AHCTF1: variants seen among roughly 807,000 people sequenced by gnomAD.
AHCTF1 encodes the protein protein ELYS.
Under a neutral mutation model 248.4 loss-of-function variants are expected in AHCTF1, and 24 were observed. The observed-to-expected ratio is 0.10, with a 90% CI of 0.07 to 0.14. The LOEUF (loss-of-function observed/expected upper bound fraction) is 0.14, where lower values mean the gene tolerates loss of function less well. Ranked by LOEUF, AHCTF1 falls within the 10% of genes least tolerant of loss-of-function variation. The pLI is 1.00. For synonymous variants in AHCTF1, 786 were observed against 929.8 expected (o/e 0.85, Z 2.81); for missense variants, 2,206 against 2,636.2 (o/e 0.84, Z 3.57).
intron 1 of AHCTF1, among the ~76,000 whole-genome samples, chr1:246,927,941 A>G (rs967192598): frequency 1.3e-4 from 20 of 152,120 alleles, no homozygotes; most frequent in African/African-American, 4.8e-4. Context: ...CAGAGGTTGC[A>G]ATAAGCCAAG....
chr1:246,923,220 G>T (rs1304029111), intron 1 of AHCTF1, among the ~76,000 whole-genome samples: 1 of 151,182 alleles, frequency 6.6e-6, no homozygotes, highest in Non-Finnish European at 1.5e-5. Flanking sequence ...TTTGAGACCA[G>T]CCTGACTAAC....
chr1:246,886,682 G>A (rs1663841739), intron 20 of AHCTF1, among the ~76,000 whole-genome samples: 1 of 152,228 alleles, frequency 6.6e-6, no homozygotes, highest in East Asian at 1.9e-4. Context: ...ACAAGAGGAT[G>A]TGCATAGGGT....
At chr1:246,929,060 A>G (rs1410548330) in intron 1 of AHCTF1, among the ~76,000 whole-genome samples, 4 of 152,206 alleles carry the variant, frequency 2.6e-5, no homozygotes, top group Non-Finnish European at 5.9e-5. Context: ...TGCTACTACA[A>G]TAGAGGTACA....
rs1393379685 is a variant in AHCTF1 at position 246,877,078 on chromosome 1, A to T, written c.2809T>A (p.Cys937Ser). Residue 937 changes from cysteine to serine, a missense_variant, in exon 23 of 36, where the codon TGT becomes AGT. This residue lies in a region of AHCTF1 where 955 missense variants were observed against 1,055.6 expected (regional missense o/e 0.90). Coordinates refer to ENST00000648844, the MANE Select transcript of AHCTF1 (RefSeq NM_001323342.2). Reference sequence around the variant, plus strand: ...CTGGACTGCAAAAATTTCACTAAACATTCCTAAAAAGAACAAAATAGATTG... The same window carrying T: ...CTGGACTGCAAAAATTTCACTAAACTTTCCTAAAAAGAACAAAATAGATTG... Reference protein sequence around the residue: ...KLPFTDTEQECLVKFLQSSAS... With the variant: ...KLPFTDTEQESLVKFLQSSAS... 1 of 1,612,238 alleles carries T rather than the reference A, an allele frequency of 6.2e-7. No individual in the cohort carries two copies. The highest frequency in any genetic ancestry group is 1.1e-5 in the South Asian group (1 of 91,000).
chr1:246,902,417 A>T lies in AHCTF1; in HGVS notation c.1117+108T>A, dbSNP rs904404291. ...TAGAACTGAATAAATTCCGTTAATT[A>T]CTATTCCAATTTTCTGAACTGCCAG... On this transcript the variant is annotated intron_variant, in intron 8 of 35. Transcript: ENST00000648844. 67 of 1,348,338 alleles carry T rather than the reference A, an allele frequency of 5.0e-5. No individual in the cohort carries two copies. The African/African-American group carries it at 9.5e-4, about 19-fold the overall frequency. The allele number at this position is 1,348,338 out of a possible 1,614,324, so 83.5% of individuals were successfully genotyped here. A position where few individuals can be genotyped will look rare whatever the true frequency, so the allele number is the denominator to read the frequency against.
At chr1:246,920,015 C>T (rs547767445) in intron 1 of AHCTF1, among the ~76,000 whole-genome samples, 51 of 151,374 alleles carry the variant, frequency 3.4e-4, no homozygotes, top group African/African-American at 1.1e-3. Flanking sequence ...TGGAGGCATA[C>T]GCTTGTAATT....
intron 29 of AHCTF1, among the ~76,000 whole-genome samples, chr1:246,858,835 A>G (rs1447477511): frequency 6.6e-6 from 1 of 152,032 alleles, no homozygotes; most frequent in Non-Finnish European, 1.5e-5. Context: ...TTTCTATTTG[A>G]GACTGCCTAA....
rs752412028 is a variant in AHCTF1 at position 246,899,508 on chromosome 1, G to A, written c.1437C>T (p.Ala479=). ...CAACTCCCGAGTTTAACAAACAAGTGGCATCTAAAAAAAAGATTTAAAAAA... is the reference window on the plus strand; with the variant it reads ...CAACTCCCGAGTTTAACAAACAAGTAGCATCTAAAAAAAAGATTTAAAAAA... ...FFNPSTYNFD[A]TCLLNSGVVH... The change falls in exon 11 of 36, where the codon GCC becomes GCT. Residue 479 remains alanine (A), a synonymous_variant. Coordinates refer to ENST00000648844, the MANE Select transcript of AHCTF1 (RefSeq NM_001323342.2). 1.9e-6 allele frequency: 3 copies of A among 1,603,944 alleles called. No individual in the cohort carries two copies. The highest frequency in any genetic ancestry group is 1.3e-5 in the African/African-American group (1 of 74,290).
At chr1:246,917,757 T>C (rs1015951678) in intron 2 of AHCTF1, among the ~76,000 whole-genome samples, 1 of 152,212 alleles carries the variant, frequency 6.6e-6, no homozygotes, top group African/African-American at 2.4e-5. Flanking sequence ...ACAAGATCCA[T>C]AAGAGAAAGC....
chr1:246,873,314 C>A (rs1357560725), intron 24 of AHCTF1, among the ~76,000 whole-genome samples: 1 of 152,212 alleles, frequency 6.6e-6, no homozygotes, highest in Non-Finnish European at 1.5e-5. Flanking sequence ...GCTGTTTAGT[C>A]CCTTTTATTA....
intron 1 of AHCTF1, among the ~76,000 whole-genome samples, chr1:246,921,641 AG>A (rs1666557484): frequency 6.6e-6 from 1 of 152,196 alleles, no homozygotes; most frequent in Non-Finnish European, 1.5e-5. Context: ...TCCCTGAGTC[AG>A]GAAGTCCAAT....
At chr1:246,870,008 T>C (rs1456345146) in intron 24 of AHCTF1, among the ~76,000 whole-genome samples, 3 of 152,202 alleles carry the variant, frequency 2.0e-5, no homozygotes, top group East Asian at 1.9e-4. Flanking sequence ...TCATAATTCC[T>C]GGGAGGAGTC....
chr1:246,885,826 TAGAGTTGG>T, intron 20 of AHCTF1, 146 bp from the exon 21 acceptor site: 8 of 722,814 alleles, frequency 1.1e-5, no homozygotes, highest in South Asian at 6.8e-5. Context: ...CTGTGCTATA[TAGAGTTGG>T]CTCTCAGTAT....
chr1:246,901,811 G>A (rs1215834682), intron 8 of AHCTF1, among the ~76,000 whole-genome samples: 2 of 152,054 alleles, frequency 1.3e-5, no homozygotes, highest in Non-Finnish European at 2.9e-5. Context: ...CTGGGCATCA[G>A]AGTGAGACCC....
Position 246,907,610 on chromosome 1 carries a change from A to C in AHCTF1, c.705T>G (p.Leu235=). Residue 235 remains leucine, a synonymous_variant, in exon 5 of 36, where the codon CTT becomes CTG. Transcript: ENST00000648844. ...TLSYISRTNQ[L]AVGFSDGYLA... Reference sequence around the variant, plus strand: ...GATAGCCATCAGAAAAACCTACAGCAAGCTGATTTGTCCTGCTTATGTAAC... The same window carrying C: ...GATAGCCATCAGAAAAACCTACAGCCAGCTGATTTGTCCTGCTTATGTAAC... 1 of 1,613,854 alleles carries C rather than the reference A, an allele frequency of 6.2e-7. No individual in the cohort carries two copies. The highest frequency in any genetic ancestry group is 1.1e-5 in the South Asian group (1 of 91,072).
intron 20 of AHCTF1, among the ~76,000 whole-genome samples, chr1:246,885,961 C>T (rs916177219): frequency 1.3e-5 from 2 of 152,136 alleles, no homozygotes; most frequent in Non-Finnish European, 2.9e-5. Flanking sequence ...CCAAGACAAG[C>T]GGACTGCTTG....
chr1:246,931,408 C>T, intron 1 of AHCTF1, 170 bp downstream of exon 1: 1 of 1,493,076 alleles, frequency 6.7e-7, no homozygotes, highest in South Asian at 1.3e-5. Context: ...CGCCACCGCT[C>T]GCCCCCTCGA....
intron 21 of AHCTF1, among the ~76,000 whole-genome samples, chr1:246,881,022 C>G (rs995446418): frequency 2.6e-5 from 4 of 152,110 alleles, no homozygotes; most frequent in African/African-American, 9.7e-5. Context: ...TCTAAACATG[C>G]TAGACCAAAT....
At position 246,842,758 on chromosome 1, in the gene AHCTF1, C is replaced by T. The variant is rs1232041369; in HGVS notation, c.6544G>A (p.Val2182Ile). 1 of 1,613,628 alleles carries T rather than the reference C, an allele frequency of 6.2e-7. No individual in the cohort carries two copies. The highest frequency in any genetic ancestry group is 1.7e-5 in the Admixed American group (1 of 59,994). The part of the protein sequence containing the change: ...EDELKDDAQS[V>I]ETLGKPKAKR... Reference sequence around the variant, plus strand: ...GCTTTTGGCTTTCCCAGAGTTTCTACTGATTGTGCATCATCTTTCTATGGG... The same window carrying T: ...GCTTTTGGCTTTCCCAGAGTTTCTATTGATTGTGCATCATCTTTCTATGGG... The change falls in exon 35 of 36, where the codon GTA (valine) becomes ATA (isoleucine). Residue 2182 changes from valine to isoleucine, a missense_variant. Val to Ile is a conservative substitution (Grantham distance 29). Transcript: ENST00000648844.
Sources: allele counts gnomAD v4.1 joint callset (sites outside exome capture counted in the v4.1 genomes callset), GRCh38; gene constraint gnomAD v4.1.1; regional missense constraint gnomAD v4.1.1; transcripts MANE v1.5; gene names NCBI Gene and HGNC (gene_info 2026-07-23, HGNC 2026-07-21).